Variants in PFKP observed in about 807,000 individuals in gnomAD.
The protein encoded by PFKP is phosphofructokinase, platelet.
In PFKP, 101 loss-of-function variants were observed where a neutral mutation model predicts 94.3. That is an observed-to-expected ratio of 1.07 (90% CI 0.91 to 1.26). The LOEUF is 1.26. PFKP is among the 50% of genes most tolerant of loss of function. PFKP has a pLI of 0.00. For synonymous variants in PFKP, 573 were observed against 432.6 expected (o/e 1.32, Z -4.03); for missense variants, 1,145 against 1,103.3 (o/e 1.04, Z -0.53).
At chr10:3,127,501 T>G (rs1485904464) in intron 16 of PFKP, among the ~76,000 whole-genome samples, 1 of 152,256 alleles carries the variant, frequency 6.6e-6, no homozygotes, top group Non-Finnish European at 1.5e-5. Flanking sequence ...CATGAGGTTT[T>G]GTGCCTCTGG....
Position 3,097,168 on chromosome 10 carries a change from G to A in PFKP, c.187-2107G>A, listed in dbSNP as rs145566390. The stretch of plus-strand genomic sequence containing the variant: ...AAGGCTAGGTTATCTCTTTATTTAT[G>A]TATCCACCCACCCGCCTACCTACCT... On this transcript the variant is annotated intron_variant, in intron 2 of 21. Transcript: ENST00000381125. Among the ~76,000 whole-genome samples the A allele has an allele frequency of 3.0e-3, 449 of 149,940 alleles. 4 individuals are homozygous for A. The highest frequency in any genetic ancestry group is 0.011 in the African/African-American group (429 of 40,640).
intron 16 of PFKP, among the ~76,000 whole-genome samples, chr10:3,124,141 C>T (rs778421629): frequency 3.5e-4 from 53 of 152,340 alleles, no homozygotes; most frequent in Middle Eastern, 3.4e-3. Flanking sequence ...GAGCCCAGAT[C>T]GCTCACTGTC....
At chr10:3,087,206 G>A (rs1177396103) in intron 2 of PFKP, among the ~76,000 whole-genome samples, 1 of 151,444 alleles carries the variant, frequency 6.6e-6, no homozygotes, top group Non-Finnish European at 1.5e-5. Flanking sequence ...TGATTCACCT[G>A]CCTTGGCCTC....
intron 7 of PFKP, 112 bp downstream of exon 7, chr10:3,105,613 G>GTT (rs1392752005): frequency 1.6e-5 from 12 of 734,088 alleles, no homozygotes; most frequent in Non-Finnish European, 2.9e-5. Flanking sequence ...TCTGTCTCCA[G>GTT]TTTGTCACAC....
At chr10:3,083,862 C>T (rs368365097) in intron 2 of PFKP, among the ~76,000 whole-genome samples, 2 of 152,064 alleles carry the variant, frequency 1.3e-5, no homozygotes, top group African/African-American at 4.8e-5. Flanking sequence ...AGGCTGGTCT[C>T]GAACTCCTGA....
chr10:3,121,961 A>G (rs895532020), intron 16 of PFKP, among the ~76,000 whole-genome samples: 15 of 151,594 alleles, frequency 9.9e-5, no homozygotes, highest in Non-Finnish European at 1.5e-5. Flanking sequence ...AGCTGGGACT[A>G]CAGGTGGGTG....
chr10:3,081,067 T>C (rs1325211009), intron 1 of PFKP, among the ~76,000 whole-genome samples: 1 of 152,202 alleles, frequency 6.6e-6, no homozygotes, highest in Admixed American at 6.5e-5. Context: ...GGTTTGAATA[T>C]AAAGTAAATA....
rs184652587 is a variant in PFKP, at chr10:3,102,594, T to A, written c.454+1040T>A. On this transcript the variant is annotated intron_variant, in intron 4 of 21. Transcript: ENST00000381125. ...ACACCCAGCTTTTTTAAAATTTTTT[T>A]ATTTATTTTTTATTTTTAGTAGAGA... 3.8e-3 allele frequency among the ~76,000 whole-genome samples: 571 copies of A among 152,174 alleles called. 2 individuals carry two copies. The highest frequency in any genetic ancestry group is 0.011 in the African/African-American group (453 of 41,540).
At chr10:3,116,387 C>T (rs1243779897) in intron 13 of PFKP, among the ~76,000 whole-genome samples, 1 of 152,206 alleles carries the variant, frequency 6.6e-6, no homozygotes, top group Non-Finnish European at 1.5e-5. Flanking sequence ...GCTTAGTAAT[C>T]TGTTTTCCTT....
chr10:3,089,316 G>A (rs1449815746), intron 2 of PFKP, among the ~76,000 whole-genome samples: 1 of 152,182 alleles, frequency 6.6e-6, no homozygotes, highest in East Asian at 1.9e-4. Flanking sequence ...TGGGTGAACG[G>A]TGTTGTGTTG....
At chr10:3,125,148 C>A in intron 16 of PFKP, 1 of 1,346,932 alleles carries the variant, frequency 7.4e-7, no homozygotes, top group Non-Finnish European at 9.9e-7. Flanking sequence ...CCACCAGGAG[C>A]TTTGCATCCC....
Position 3,134,561 on chromosome 10 carries a change from C to G in PFKP, c.2101C>G (p.Leu701Val). 1.9e-6 allele frequency: 3 copies of G among 1,613,374 alleles called. No homozygotes were observed. In the South Asian group the frequency reaches 3.3e-5, roughly 18 times the overall value. ...AGCTATGGAGTGGATCACTGCAAAACTCAAGGAGGCCCGGGGCAGAGGTAA... is the reference window on the plus strand; with the variant it reads ...AGCTATGGAGTGGATCACTGCAAAAGTCAAGGAGGCCCGGGGCAGAGGTAA... ...ARAMEWITAKLKEARGRGKKF... is the reference protein window; with the variant it reads ...ARAMEWITAKVKEARGRGKKF... The change falls in exon 20 of 22, where the codon CTC becomes GTC. Residue 701 changes from leucine (L) to valine (V), a missense_variant. By Grantham distance (32) the Leu-to-Val change is conservative. Transcript: ENST00000381125.
chr10:3,116,482 C>T (rs1245460062), intron 13 of PFKP, among the ~76,000 whole-genome samples: 1 of 152,132 alleles, frequency 6.6e-6, no homozygotes, highest in Non-Finnish European at 1.5e-5. Context: ...CTTTTAGTTG[C>T]CGGTGGCGGG....
intron 13 of PFKP, among the ~76,000 whole-genome samples, chr10:3,115,423 C>G (rs139577768): frequency 0.011 from 548 of 48,876 alleles, 90 homozygotes; most frequent in African/African-American, 0.024. Flanking sequence ...TGTGTCCCGC[C>G]ATGGAGGACA....
chr10:3,073,239 T>C lies in PFKP; in HGVS notation c.112+5532T>C, dbSNP rs951022986. Among the ~76,000 whole-genome samples, 85 of 152,076 alleles carry C rather than the reference T, an allele frequency of 5.6e-4. 3 individuals carry two copies. Among genetic ancestry groups the C allele is most frequent in the African/African-American group, 1.9e-3 (77 of 41,478 alleles). On this transcript the variant is annotated intron_variant, in intron 1 of 21. Coordinates refer to ENST00000381125, the MANE Select transcript of PFKP (RefSeq NM_002627.5). The stretch of plus-strand genomic sequence containing the variant: ...CTGAGATAGGGTCTTGATGTTTTCC[T>C]CTGCAGAATGGAGGCATCACTCAGT...
In PFKP at chr10:3,132,454, G is replaced by GAC; in HGVS notation, c.1910+14_1910+15dup. 1 of 1,586,646 alleles carries GAC rather than the reference G, an allele frequency of 6.3e-7. No individual in the cohort carries two copies. The highest frequency in any genetic ancestry group is 8.7e-7 in the Non-Finnish European group (1 of 1,155,130). ...GCCTTGTGCTCAGGTGAGAGAGAGA[G>GAC]ACCAGGGGCTGATCTTACCCTCACC... On this transcript the variant is annotated intron_variant, in intron 18 of 21. Transcript: ENST00000381125.
intron 21 of PFKP, among the ~76,000 whole-genome samples, 193 bp from the exon 22 acceptor site, chr10:3,136,257 C>G (rs149940376): frequency 2.6e-5 from 4 of 152,150 alleles, no homozygotes; most frequent in Non-Finnish European, 4.4e-5. Context: ...GAGCGAGACT[C>G]CACCACTGGG....
At chr10:3,112,387 G>A (rs564203407) in intron 11 of PFKP, 101 bp downstream of exon 11, 122 of 895,228 alleles carry the variant, frequency 1.4e-4, no homozygotes, top group African/African-American at 9.0e-4. Flanking sequence ...CCATGTCACT[G>A]TGAAAAATCA....
At chr10:3,111,266 G>C (rs1327020292) in intron 10 of PFKP, among the ~76,000 whole-genome samples, 1 of 152,036 alleles carries the variant, frequency 6.6e-6, no homozygotes, top group Non-Finnish European at 1.5e-5. Context: ...GCATGAGTGT[G>C]AGGTAGCGTG....
Sources: gnomAD v4.1 joint callset for allele counts (sites outside exome capture counted in the v4.1 genomes callset) on GRCh38, gnomAD v4.1.1 for gene constraint, MANE v1.5 for transcripts, NCBI Gene and HGNC (gene_info 2026-07-23, HGNC 2026-07-21) for gene names.